TTLL11: variants seen among roughly 807,000 people sequenced by gnomAD.
TTLL11 encodes tubulin tyrosine ligase like 11.
In TTLL11, 42 loss-of-function variants were observed where a neutral mutation model predicts 51.7. That is an observed-to-expected ratio of 0.81 (90% CI 0.64 to 1.05). The LOEUF is 1.05. Ranked by LOEUF, TTLL11 falls within the 50% of genes least tolerant of loss-of-function variation. TTLL11 has a pLI of 0.00. For missense variants in TTLL11, 799 were observed against 940.4 expected (o/e 0.85, Z 1.97); for synonymous variants, 381 against 383.5 (o/e 0.99, Z 0.08).
At chr9:121,931,903 T>A (rs1462301207) in intron 6 of TTLL11, among the ~76,000 whole-genome samples, 1 of 152,164 alleles carries the variant, frequency 6.6e-6, no homozygotes, top group Non-Finnish European at 1.5e-5. Context: ...GCACACTGAT[T>A]TCTCTCCTCT....
intron 7 of TTLL11, 69 bp downstream of exon 7, chr9:121,870,428 G>A (rs778521001): frequency 6.7e-6 from 10 of 1,496,860 alleles, no homozygotes; most frequent in African/African-American, 4.2e-5. Context: ...AGGGAGACCC[G>A]CCAGCCAGAT....
At chr9:121,958,502 C>T (rs564596076) in intron 6 of TTLL11, among the ~76,000 whole-genome samples, 2 of 152,250 alleles carry the variant, frequency 1.3e-5, no homozygotes, top group South Asian at 2.1e-4. Context: ...AGAGGACTTC[C>T]AGTACCCACT....
intron 6 of TTLL11, among the ~76,000 whole-genome samples, chr9:121,941,943 C>T (rs957485589): frequency 2.0e-5 from 3 of 152,152 alleles, no homozygotes; most frequent in African/African-American, 7.2e-5. Context: ...CTTTCTCTTT[C>T]CCCACTGCTG....
chr9:122,012,440 G>GA lies in TTLL11; in HGVS notation c.693+19282dup, dbSNP rs895742296. Reference sequence around the variant, plus strand: ...AAAAGCTTGCCATTAGAGAGAGAGAGAAAAAAAAAAGCATATTAAAGCAGT... The same window carrying GA: ...AAAAGCTTGCCATTAGAGAGAGAGAGAAAAAAAAAAAGCATATTAAAGCAGT... On this transcript the variant is annotated intron_variant, in intron 3 of 8. Coordinates refer to ENST00000321582, the MANE Select transcript of TTLL11 (RefSeq NM_001139442.2). 2.1e-3 allele frequency among the ~76,000 whole-genome samples: 308 copies of GA among 145,828 alleles called. 2 individuals are homozygous for GA. Among genetic ancestry groups the GA allele is most frequent in the South Asian group, 8.1e-3 (37 of 4,550 alleles).
chr9:121,993,832 CAA>C (rs1273453508), intron 3 of TTLL11, among the ~76,000 whole-genome samples: 12 of 152,268 alleles, frequency 7.9e-5, no homozygotes, highest in African/African-American at 2.9e-4. Context: ...ACTGTGTCTG[CAA>C]TACTGGGGAA....
At chr9:121,918,886 C>A (rs1840430297) in intron 6 of TTLL11, among the ~76,000 whole-genome samples, 1 of 152,200 alleles carries the variant, frequency 6.6e-6, no homozygotes, top group Non-Finnish European at 1.5e-5. Flanking sequence ...TACAGTATGG[C>A]AGCATTAATA....
At chr9:121,898,605 T>A (rs571162089) in intron 6 of TTLL11, among the ~76,000 whole-genome samples, 1 of 152,128 alleles carries the variant, frequency 6.6e-6, no homozygotes, top group Non-Finnish European at 1.5e-5. Flanking sequence ...CAACCCAAGG[T>A]CAAGTGCTTG....
intron 8 of TTLL11, among the ~76,000 whole-genome samples, chr9:121,827,655 T>C (rs1168146263): frequency 1.3e-5 from 2 of 152,218 alleles, no homozygotes; most frequent in African/African-American, 4.8e-5. Flanking sequence ...GGGCCTCTGG[T>C]CCCACAATGG....
chr9:121,956,374 A>G (rs1842015635), intron 6 of TTLL11, among the ~76,000 whole-genome samples: 1 of 152,250 alleles, frequency 6.6e-6, no homozygotes, highest in African/African-American at 2.4e-5. Flanking sequence ...ACCCGCATAG[A>G]AAGGCAGGGA....
chr9:121,994,232 G>A (rs919728351), intron 3 of TTLL11, among the ~76,000 whole-genome samples: 10 of 152,156 alleles, frequency 6.6e-5, no homozygotes, highest in Non-Finnish European at 1.3e-4. Flanking sequence ...GCTTCGGTGG[G>A]GGGTTATGAA....
chr9:122,060,667 C>G (rs929605650), intron 1 of TTLL11, among the ~76,000 whole-genome samples: 7 of 152,194 alleles, frequency 4.6e-5, no homozygotes, highest in Non-Finnish European at 1.0e-4. Flanking sequence ...CCATTAGTTC[C>G]AGGTCTTGTG....
chr9:122,012,678 G>GCGCACACACACA (rs577271170), intron 3 of TTLL11, among the ~76,000 whole-genome samples: 2 of 142,554 alleles, frequency 1.4e-5, no homozygotes, highest in African/African-American at 5.2e-5. Context: ...ACACACACAC[G>GCGCACACACACA]CACACACACA....
At chr9:122,036,377 C>G (rs1022240006) in intron 2 of TTLL11, among the ~76,000 whole-genome samples, 2 of 151,826 alleles carry the variant, frequency 1.3e-5, no homozygotes, top group Non-Finnish European at 2.9e-5. Flanking sequence ...TGCTCAGAAC[C>G]TGAGAATGGA....
chr9:121,982,657 G>T (rs1166412175), intron 4 of TTLL11, among the ~76,000 whole-genome samples: 1 of 146,618 alleles, frequency 6.8e-6, no homozygotes, highest in Non-Finnish European at 1.5e-5. Flanking sequence ...GGAGGCAGAG[G>T]TTGCAGTGAG....
At chr9:121,898,735 C>A (rs182405166) in intron 6 of TTLL11, among the ~76,000 whole-genome samples, 8 of 152,292 alleles carry the variant, frequency 5.3e-5, no homozygotes, top group African/African-American at 1.9e-4. Flanking sequence ...CTCACTGCAG[C>A]CTCAAACCTC....
chr9:121,881,781 G>A (rs1838804473), intron 6 of TTLL11, among the ~76,000 whole-genome samples: 13 of 152,140 alleles, frequency 8.5e-5, no homozygotes, highest in Admixed American at 8.5e-4. Flanking sequence ...TTTGGTCAGG[G>A]GAAAAAGGGA....
At chr9:122,046,603 T>G (rs1845010499) in intron 1 of TTLL11, among the ~76,000 whole-genome samples, 1 of 152,170 alleles carries the variant, frequency 6.6e-6, no homozygotes, top group Admixed American at 6.5e-5. Flanking sequence ...TTCTCCATCT[T>G]TTTCCAGTCC....
chr9:122,000,295 C>A (rs1038420008), intron 3 of TTLL11, among the ~76,000 whole-genome samples: 7 of 151,924 alleles, frequency 4.6e-5, no homozygotes, highest in Non-Finnish European at 7.4e-5. Flanking sequence ...CACGGTGAAA[C>A]CCCATCTCTA....
At chr9:121,974,747 T>C (rs1842657046) in intron 5 of TTLL11, 137 bp downstream of exon 5, 1 of 714,748 alleles carries the variant, frequency 1.4e-6, no homozygotes, top group Non-Finnish European at 2.3e-6. Context: ...TCAACAAAAC[T>C]GAAATTATTT....
Sources: gnomAD v4.1 joint callset for allele counts (sites outside exome capture counted in the v4.1 genomes callset) on GRCh38, gnomAD v4.1.1 for gene constraint, MANE v1.5 for transcripts, NCBI Gene and HGNC (gene_info 2026-07-23, HGNC 2026-07-21) for gene names.